The following PAK3 variants were observed in gnomAD, a reference collection of about 807,000 sequenced individuals.
PAK3 encodes serine/threonine-protein kinase PAK 3.
Under a neutral mutation model 41.0 loss-of-function variants are expected in PAK3, and 4 were observed. The observed-to-expected ratio is 0.10, with a 90% CI of 0.05 to 0.22. The LOEUF (loss-of-function observed/expected upper bound fraction) is 0.22, where lower values mean the gene tolerates loss of function less well. Among genes scored for constraint, PAK3 ranks in the 10% least tolerant of loss-of-function variants. The probability of loss-of-function intolerance (pLI) is 1.00; values close to 1 mark genes in which losing one functional copy is unlikely to be tolerated. For missense variants in PAK3, 205 were observed against 409.9 expected (o/e 0.50, Z 4.32); for synonymous variants, 146 against 139.6 (o/e 1.05, Z -0.32).
At chrX:111,178,774 A>G (rs1353612309) in intron 11 of PAK3, among the ~76,000 whole-genome samples, 11 of 110,011 alleles carry the variant, frequency 1.0e-4, no homozygotes, top group Admixed American at 9.7e-4. Flanking sequence ...ATTAGAGGGT[A>G]TAGGAATTTA....
intron 1 of PAK3, among the ~76,000 whole-genome samples, chrX:110,976,162 G>A (rs1451696247): frequency 8.9e-6 from 1 of 112,347 alleles, no homozygotes; most frequent in Non-Finnish European, 1.9e-5. Context: ...TACCATTAGA[G>A]TGAACAGGCA....
chrX:110,984,903 C>A (rs966006142), intron 1 of PAK3, among the ~76,000 whole-genome samples: 8 of 109,695 alleles, frequency 7.3e-5, no homozygotes, highest in Non-Finnish European at 1.1e-4. Context: ...TCAGGGCGGG[C>A]AAATCGCTTG....
chrX:111,007,816 G>A (rs73537155), intron 1 of PAK3, among the ~76,000 whole-genome samples: 2,785 of 111,691 alleles, frequency 0.025, 86 homozygotes, highest in African/African-American at 0.081. Context: ...AGGCCAACTA[G>A]TGTGAATGCA....
intron 1 of PAK3, among the ~76,000 whole-genome samples, chrX:110,958,671 G>A (rs1315502264): frequency 1.8e-5 from 2 of 111,818 alleles, no homozygotes; most frequent in South Asian, 3.8e-4. Flanking sequence ...CTCTCATCCT[G>A]TGCCATATTC....
chrX:111,196,475 T>C lies in PAK3; in HGVS notation c.1242T>C (p.Pro414=). The C allele has an allele frequency of 8.3e-7, 1 of 1,210,881 alleles. No individual in the cohort carries two copies. Among genetic ancestry groups the C allele is most frequent in the Non-Finnish European group, 1.1e-6 (1 of 894,447 alleles). The change falls in exon 16 of 18, where the codon CCT becomes CCC. Residue 414 remains proline (P), a synonymous_variant. Coordinates refer to ENST00000372007, the MANE Select transcript of PAK3 (RefSeq NM_002578.5). ...TTGGGTTCTGTGCCCAGATCACTCC[T>C]GAGCAAAGTAAACGAAGCACTATGG... ...TDFGFCAQIT[P]EQSKRSTMVG... is the part of the protein sequence containing the mutation.
At chrX:111,017,319 A>G (rs943556597) in intron 1 of PAK3, among the ~76,000 whole-genome samples, 1 of 111,856 alleles carries the variant, frequency 8.9e-6, no homozygotes, top group African/African-American at 3.2e-5. Context: ...CTCTTTGAAA[A>G]GATCAACAAA....
At chrX:111,198,228 C>A (rs759627179) in intron 16 of PAK3, among the ~76,000 whole-genome samples, 2 of 111,942 alleles carry the variant, frequency 1.8e-5, no homozygotes, top group African/African-American at 6.5e-5. Context: ...GATATTAGAT[C>A]TTCGTCAGAT....
intron 11 of PAK3, among the ~76,000 whole-genome samples, chrX:111,191,253 C>T (rs1426272841): frequency 9.0e-6 from 1 of 111,032 alleles, no homozygotes; most frequent in Non-Finnish European, 1.9e-5. Flanking sequence ...CATGTGCCAC[C>T]ACACCTGGCT....
intron 16 of PAK3, among the ~76,000 whole-genome samples, chrX:111,213,968 A>G (rs2149389580): frequency 8.9e-6 from 1 of 111,849 alleles, no homozygotes; most frequent in Admixed American, 9.5e-5. Context: ...GTATGTTGGC[A>G]TGGAGGTCCT....
intron 8 of PAK3, among the ~76,000 whole-genome samples, chrX:111,156,154 C>T (rs933955168): frequency 4.2e-4 from 47 of 111,604 alleles, no homozygotes; most frequent in African/African-American, 1.4e-3. Context: ...GAGGTAGTAA[C>T]AGTAGGAATG....
chrX:111,048,950 A>G (rs994487827), intron 1 of PAK3, among the ~76,000 whole-genome samples: 4 of 112,184 alleles, frequency 3.6e-5, no homozygotes, highest in Non-Finnish European at 7.5e-5. Flanking sequence ...TGTTGCAATT[A>G]AAATTCAAAC....
intron 5 of PAK3, among the ~76,000 whole-genome samples, chrX:111,131,754 A>G (rs1282433041): frequency 1.8e-5 from 2 of 112,005 alleles, no homozygotes; most frequent in African/African-American, 3.2e-5. Context: ...CAGATGTCTC[A>G]GGGATTAGAA....
intron 1 of PAK3, among the ~76,000 whole-genome samples, chrX:110,956,256 C>T (rs745386936): frequency 1.8e-5 from 2 of 111,596 alleles, no homozygotes; most frequent in Non-Finnish European, 3.8e-5. Flanking sequence ...ATAGTAGCTA[C>T]GTTTTTGGGT....
chrX:111,025,829 A>G (rs1283942687), intron 1 of PAK3, among the ~76,000 whole-genome samples: 1 of 105,987 alleles, frequency 9.4e-6, no homozygotes, highest in Admixed American at 1.0e-4. Context: ...AAAACCAGGA[A>G]AGGATATAAC....
At chrX:111,155,228 T>G (rs888464555) in intron 8 of PAK3, among the ~76,000 whole-genome samples, 1 of 110,628 alleles carries the variant, frequency 9.0e-6, no homozygotes, top group Non-Finnish European at 1.9e-5. Context: ...TGGCTGAGTA[T>G]AGTGGTTCAT....
intron 1 of PAK3, among the ~76,000 whole-genome samples, chrX:111,051,182 G>A (rs1286021418): frequency 9.0e-6 from 1 of 111,475 alleles, no homozygotes; most frequent in Non-Finnish European, 1.9e-5. Context: ...CCTGTTGGGG[G>A]AAAAAAGTAA....
At chrX:111,187,570 G>A (rs776357328) in intron 11 of PAK3, among the ~76,000 whole-genome samples, 1 of 111,430 alleles carries the variant, frequency 9.0e-6, no homozygotes, top group East Asian at 2.8e-4. Flanking sequence ...CCAGCAGTGA[G>A]CAATGAGAGA....
chrX:111,010,502 G>A (rs73537165), intron 1 of PAK3, among the ~76,000 whole-genome samples: 1,741 of 111,700 alleles, frequency 0.016, 33 homozygotes, highest in African/African-American at 0.054. Flanking sequence ...GGTCTTATGG[G>A]AGGTGATTGG....
intron 1 of PAK3, among the ~76,000 whole-genome samples, chrX:111,023,982 G>C (rs751773916): frequency 8.9e-6 from 1 of 111,843 alleles, no homozygotes; most frequent in South Asian, 3.8e-4. Flanking sequence ...CCTATGTCCT[G>C]AATGGTATTG....
Sources: gnomAD v4.1 joint callset for allele counts (sites outside exome capture counted in the v4.1 genomes callset) on GRCh38, gnomAD v4.1.1 for gene constraint, MANE v1.5 for transcripts, NCBI Gene and HGNC (gene_info 2026-07-23, HGNC 2026-07-21) for gene names.